The following SUCLG2 variants were observed in gnomAD, a reference collection of about 807,000 sequenced individuals.
SUCLG2 encodes succinate--CoA ligase [GDP-forming] subunit beta, mitochondrial.
Under a neutral mutation model 47.9 loss-of-function variants are expected in SUCLG2, and 42 were observed. The ratio of observed to expected loss-of-function variants is 0.88; its 90% CI spans 0.69 to 1.14. SUCLG2 has a LOEUF of 1.14. Among genes scored for constraint, SUCLG2 ranks in the 50% most tolerant of loss-of-function variants. SUCLG2 has a pLI of 0.00. For missense variants in SUCLG2, 571 were observed against 525.9 expected (o/e 1.09, Z -0.84); for synonymous variants, 195 against 197.3 (o/e 0.99, Z 0.10).
chr3:67,390,980 A>C (rs536850434), intron 10 of SUCLG2, among the ~76,000 whole-genome samples: 9 of 152,204 alleles, frequency 5.9e-5, no homozygotes, highest in Non-Finnish European at 8.8e-5. Flanking sequence ...TATGACTCCA[A>C]GTTGAGCTCT....
intron 9 of SUCLG2, among the ~76,000 whole-genome samples, chr3:67,435,781 A>T (rs1295240189): frequency 1.3e-5 from 2 of 152,248 alleles, no homozygotes; most frequent in East Asian, 1.9e-4. Context: ...TGCTCACTCA[A>T]TTATGACTGT....
chr3:67,599,308 G>A (rs944060107), intron 2 of SUCLG2, among the ~76,000 whole-genome samples: 2 of 152,190 alleles, frequency 1.3e-5, no homozygotes, highest in African/African-American at 4.8e-5. Context: ...AGGCAGGAAG[G>A]AAACTGATGT....
intron 9 of SUCLG2, among the ~76,000 whole-genome samples, chr3:67,462,890 T>C (rs1051861322): frequency 6.6e-6 from 1 of 152,184 alleles, no homozygotes; most frequent in Admixed American, 6.5e-5. Context: ...AGATAGAGGA[T>C]GCCCAGCTAG....
chr3:67,641,337 C>T (rs914029435), intron 1 of SUCLG2, among the ~76,000 whole-genome samples: 3 of 152,182 alleles, frequency 2.0e-5, no homozygotes, highest in Non-Finnish European at 4.4e-5. Context: ...TGGCAGTGGT[C>T]CATGGGCTAG....
chr3:67,428,816 G>A (rs1575688986), intron 9 of SUCLG2, among the ~76,000 whole-genome samples: 1 of 152,150 alleles, frequency 6.6e-6, no homozygotes, highest in African/African-American at 2.4e-5. Context: ...ACAAGCTTCA[G>A]TAGCCGATTT....
intron 9 of SUCLG2, among the ~76,000 whole-genome samples, chr3:67,436,774 T>G (rs1356844334): frequency 6.6e-6 from 1 of 152,204 alleles, no homozygotes; most frequent in Non-Finnish European, 1.5e-5. Context: ...ATTTTCAATA[T>G]TATATAATCT....
intron 10 of SUCLG2, among the ~76,000 whole-genome samples, chr3:67,399,662 A>T (rs1299482540): frequency 6.6e-6 from 1 of 152,216 alleles, no homozygotes; most frequent in Non-Finnish European, 1.5e-5. Flanking sequence ...CCTTTGGAAG[A>T]TCTGCATAAT....
intron 9 of SUCLG2, among the ~76,000 whole-genome samples, chr3:67,460,993 G>A (rs1445175493): frequency 2.0e-5 from 3 of 152,130 alleles, no homozygotes; most frequent in Non-Finnish European, 4.4e-5. Context: ...GCACTACAGA[G>A]CCAGCACTCA....
At chr3:67,436,915 T>G (rs535593207) in intron 9 of SUCLG2, among the ~76,000 whole-genome samples, 62 of 152,096 alleles carry the variant, frequency 4.1e-4, no homozygotes, top group Non-Finnish European at 7.2e-4. Context: ...TTTGTCCTTT[T>G]TCTTTGCTTT....
chr3:67,507,928 G>C (rs996313445), intron 7 of SUCLG2, among the ~76,000 whole-genome samples: 3 of 152,166 alleles, frequency 2.0e-5, no homozygotes, highest in African/African-American at 7.2e-5. Flanking sequence ...AAAAGCTTGT[G>C]AATTTGTGTG....
At chr3:67,372,824 T>C (rs1160775900), downstream of SUCLG2, among the ~76,000 whole-genome samples, 1 of 152,156 alleles carries the variant, frequency 6.6e-6, no homozygotes, top group Non-Finnish European at 1.5e-5. Flanking sequence ...CAATGTTGTA[T>C]TTTTTTATTT....
At chr3:67,642,951 TGA>T (rs141421739) in intron 1 of SUCLG2, among the ~76,000 whole-genome samples, 11 of 141,658 alleles carry the variant, frequency 7.8e-5, no homozygotes, top group South Asian at 2.2e-4. Flanking sequence ...TGTGTGTGTG[TGA>T]GAGAGATGGC....
chr3:67,516,374 A>C (rs891059154), intron 6 of SUCLG2, among the ~76,000 whole-genome samples: 1 of 152,170 alleles, frequency 6.6e-6, no homozygotes, highest in Non-Finnish European at 1.5e-5. Flanking sequence ...AAGAGCTGTA[A>C]ATAACTCTTA....
In SUCLG2 at chr3:67,559,975, G is replaced by C. The variant is rs540922658; in HGVS notation, c.227-30789C>G. ...GGGGGAGGCTGTGCAGTTGTCGGGGGAGGGGTATATGGGAACTCTGTACCT... is the reference window on the plus strand; with the variant it reads ...GGGGGAGGCTGTGCAGTTGTCGGGGCAGGGGTATATGGGAACTCTGTACCT... On this transcript the variant is annotated intron_variant, in intron 2 of 10. Coordinates refer to ENST00000307227, the MANE Select transcript of SUCLG2 (RefSeq NM_003848.4). Among the ~76,000 whole-genome samples the C allele has an allele frequency of 2.0e-5, 3 of 151,166 alleles. No homozygotes were observed. In the South Asian group the frequency reaches 6.3e-4, roughly 32 times the overall value.
intron 1 of SUCLG2, among the ~76,000 whole-genome samples, chr3:67,644,352 AT>A (rs1199121056): frequency 6.6e-6 from 1 of 152,236 alleles, no homozygotes; most frequent in Admixed American, 6.5e-5. Flanking sequence ...CTTTGAAGAC[AT>A]TATGCTAAAT....
chr3:67,654,186 G>A (rs1321044039), intron 1 of SUCLG2, among the ~76,000 whole-genome samples: 1 of 152,244 alleles, frequency 6.6e-6, no homozygotes, highest in Non-Finnish European at 1.5e-5. Flanking sequence ...CCCGGTCCAA[G>A]AAACTTTTCT....
intron 1 of SUCLG2, among the ~76,000 whole-genome samples, chr3:67,616,569 T>C (rs1700633508): frequency 6.6e-6 from 1 of 152,224 alleles, no homozygotes; most frequent in South Asian, 2.1e-4. Flanking sequence ...TAATAATGAA[T>C]TTTTAAATAA....
chr3:67,564,552 G>A (rs1222972920), intron 2 of SUCLG2, among the ~76,000 whole-genome samples: 1 of 152,254 alleles, frequency 6.6e-6, no homozygotes, highest in African/African-American at 2.4e-5. Context: ...ATGCATCCCT[G>A]TCTTAATCAT....
chr3:67,406,607 G>A (rs139746849), intron 9 of SUCLG2, among the ~76,000 whole-genome samples: 2 of 152,272 alleles, frequency 1.3e-5, no homozygotes, highest in African/African-American at 4.8e-5. Context: ...GAACAGAAAA[G>A]AGTGTGGTGC....
Sources: allele counts gnomAD v4.1 joint callset (sites outside exome capture counted in the v4.1 genomes callset), GRCh38; gene constraint gnomAD v4.1.1; transcripts MANE v1.5; gene names NCBI Gene and HGNC (gene_info 2026-07-23, HGNC 2026-07-21).